Variants in MACROD2 observed in about 807,000 individuals in gnomAD.
MACROD2 encodes the protein ADP-ribose glycohydrolase MACROD2.
MACROD2 carries 36 observed loss-of-function variants against 70.4 expected under a neutral mutation model. The ratio of observed to expected loss-of-function variants is 0.51; its 90% CI spans 0.39 to 0.68. MACROD2 has a LOEUF of 0.68. MACROD2 is among the 30% of genes least tolerant of loss of function. The pLI, the probability that MACROD2 is intolerant of heterozygous loss-of-function variation, is 0.00. For synonymous variants in MACROD2, 172 were observed against 178.8 expected, an observed-to-expected ratio of 0.96 and a Z score of 0.30; for missense variants, 496 against 538.4, an observed-to-expected ratio of 0.92 and a Z score of 0.78.
At chr20:14,081,560 T>C (rs2053995272) in intron 2 of MACROD2, among the ~76,000 whole-genome samples, 1 of 152,188 alleles carries the variant, frequency 6.6e-6, no homozygotes, top group Non-Finnish European at 1.5e-5. Context: ...ACATAGAGAA[T>C]GTCCATGAGG....
intron 11 of MACROD2, among the ~76,000 whole-genome samples, chr20:15,933,943 T>C (rs1351096619): frequency 6.6e-6 from 1 of 152,162 alleles, no homozygotes; most frequent in Non-Finnish European, 1.5e-5. Flanking sequence ...CCGTAGATTA[T>C]AAATTGAACA....
intron 8 of MACROD2, among the ~76,000 whole-genome samples, chr20:15,573,795 T>C (rs1045200169): frequency 6.6e-6 from 1 of 152,130 alleles, no homozygotes; most frequent in Non-Finnish European, 1.5e-5. Context: ...CTTAGGGAAC[T>C]CTGGCACTTG....
intron 2 of MACROD2, among the ~76,000 whole-genome samples, chr20:14,015,195 T>C (rs755989161): frequency 3.9e-5 from 6 of 152,188 alleles, no homozygotes; most frequent in Non-Finnish European, 8.8e-5. Flanking sequence ...ATTTTTACTA[T>C]TTTTAAATGT....
chr20:14,195,632 C>T (rs2081424316), intron 3 of MACROD2, among the ~76,000 whole-genome samples: 1 of 151,750 alleles, frequency 6.6e-6, no homozygotes, highest in Non-Finnish European at 1.5e-5. Flanking sequence ...TCAAGAAGAA[C>T]ACATCAGAAG....
chr20:14,572,101 C>T (rs530255225), intron 4 of MACROD2, among the ~76,000 whole-genome samples: 19 of 152,104 alleles, frequency 1.2e-4, no homozygotes, highest in Middle Eastern at 3.4e-3. Flanking sequence ...CCTGCTGGTA[C>T]GTGCAAGCAC....
At chr20:14,831,364 T>C (rs1005680861) in intron 5 of MACROD2, among the ~76,000 whole-genome samples, 2 of 151,952 alleles carry the variant, frequency 1.3e-5, no homozygotes, top group Admixed American at 6.6e-5. Flanking sequence ...CACAGACTTA[T>C]AGGAAAAAAA....
At chr20:14,394,292 C>T (rs962556633) in intron 3 of MACROD2, among the ~76,000 whole-genome samples, 3 of 152,150 alleles carry the variant, frequency 2.0e-5, no homozygotes, top group Non-Finnish European at 4.4e-5. Context: ...TTTCTCTCAG[C>T]ATCGCTTTGT....
chr20:14,127,377 GC>G, intron 3 of MACROD2: 1 of 381,498 alleles, frequency 2.6e-6, no homozygotes. Context: ...TGCTGAGGCT[GC>G]CTCAGAACCC....
At chr20:15,452,169 C>T (rs1011594096) in intron 7 of MACROD2, among the ~76,000 whole-genome samples, 6 of 152,088 alleles carry the variant, frequency 3.9e-5, no homozygotes, top group Non-Finnish European at 7.4e-5. Flanking sequence ...AACATAAAAC[C>T]AAGAATCTGA....
intron 5 of MACROD2, among the ~76,000 whole-genome samples, chr20:15,127,624 G>T (rs1456479050): frequency 1.3e-5 from 2 of 152,002 alleles, no homozygotes; most frequent in African/African-American, 4.8e-5. Flanking sequence ...TCTCCTTATG[G>T]TCCTCTAAGT....
At chr20:15,125,350 G>A (rs1301650516) in intron 5 of MACROD2, among the ~76,000 whole-genome samples, 2 of 151,984 alleles carry the variant, frequency 1.3e-5, no homozygotes. Flanking sequence ...GAGCAGAAAA[G>A]CAGTAGTTTA....
At chr20:14,837,470 G>T (rs1322639341) in intron 5 of MACROD2, among the ~76,000 whole-genome samples, 1 of 151,960 alleles carries the variant, frequency 6.6e-6, no homozygotes, top group Non-Finnish European at 1.5e-5. Flanking sequence ...AGTATGAATG[G>T]ATATGTAACA....
chr20:15,843,255 A>C (rs2064194132), intron 8 of MACROD2, among the ~76,000 whole-genome samples: 1 of 152,188 alleles, frequency 6.6e-6, no homozygotes, highest in Admixed American at 6.5e-5. Flanking sequence ...ACTGGGTTAG[A>C]ACAAGTTCAA....
intron 6 of MACROD2, among the ~76,000 whole-genome samples, chr20:15,319,409 C>T (rs2077849347): frequency 6.6e-6 from 1 of 151,978 alleles, no homozygotes; most frequent in Non-Finnish European, 1.5e-5. Flanking sequence ...CTATGAAATC[C>T]CTCTCACAAT....
At chr20:14,194,357 C>T (rs1426943472) in intron 3 of MACROD2, among the ~76,000 whole-genome samples, 1 of 152,114 alleles carries the variant, frequency 6.6e-6, no homozygotes, top group Admixed American at 6.6e-5. Flanking sequence ...CTGCTGAGAC[C>T]TGACTTGAAA....
At chr20:14,400,088 T>A (rs1011990602) in intron 3 of MACROD2, among the ~76,000 whole-genome samples, 21 of 152,204 alleles carry the variant, frequency 1.4e-4, no homozygotes, top group Non-Finnish European at 2.9e-5. Flanking sequence ...TTTTTTCTTG[T>A]CTTAGTAAGC....
chr20:15,679,640 A>G (rs1017638832), intron 8 of MACROD2, among the ~76,000 whole-genome samples: 1 of 152,210 alleles, frequency 6.6e-6, no homozygotes, highest in Non-Finnish European at 1.5e-5. Context: ...TGAGAAGCCT[A>G]TCTACCCTGC....
chr20:15,855,886 A>G lies in MACROD2; in HGVS notation c.646-6859A>G, dbSNP rs77945558. Among the ~76,000 whole-genome samples, 278 of 152,250 alleles carry G rather than the reference A, an allele frequency of 1.8e-3. 5 individuals carry two copies. In the East Asian group the frequency reaches 0.039, roughly 21 times the overall value. On this transcript the variant is annotated intron_variant, in intron 8 of 17. Coordinates refer to ENST00000684519, the MANE Select transcript of MACROD2 (RefSeq NM_001351661.2). ...TTTTTTGTTCTCATTGGTTTTTAATATTCCATTATATGAGTACATCGTAAT... is the reference window on the plus strand; with the variant it reads ...TTTTTTGTTCTCATTGGTTTTTAATGTTCCATTATATGAGTACATCGTAAT...
At chr20:15,586,760 T>G (rs1445501915) in intron 8 of MACROD2, among the ~76,000 whole-genome samples, 1 of 152,182 alleles carries the variant, frequency 6.6e-6, no homozygotes, top group Non-Finnish European at 1.5e-5. Context: ...GTGTACAATA[T>G]TAATGTGAAA....
Sources: gnomAD v4.1 joint callset for allele counts (sites outside exome capture counted in the v4.1 genomes callset) on GRCh38, gnomAD v4.1.1 for gene constraint, MANE v1.5 for transcripts, NCBI Gene and HGNC (gene_info 2026-07-23, HGNC 2026-07-21) for gene names.